The following RPS6KA6 variants were observed in gnomAD, a reference collection of about 807,000 sequenced individuals.
RPS6KA6 encodes the protein ribosomal protein S6 kinase A6.
RPS6KA6 carries 27 observed loss-of-function variants against 65.4 expected under a neutral mutation model. The ratio of observed to expected loss-of-function variants is 0.41; its 90% CI spans 0.30 to 0.57. RPS6KA6 has a LOEUF of 0.57. Among genes scored for constraint, RPS6KA6 ranks in the 20% least tolerant of loss-of-function variants. The pLI is 0.24. For missense variants in RPS6KA6, 486 were observed against 555.6 expected (o/e 0.87, Z 1.26); for synonymous variants, 190 against 184.2 (o/e 1.03, Z -0.26).
chrX:84,155,608 G>A (rs985555196), intron 3 of RPS6KA6, among the ~76,000 whole-genome samples: 1 of 111,904 alleles, frequency 8.9e-6, no homozygotes, highest in African/African-American at 3.2e-5. Flanking sequence ...AACTACCCTT[G>A]TTCTACTTTA....
intron 9 of RPS6KA6, among the ~76,000 whole-genome samples, chrX:84,118,299 T>A (rs1602424850): frequency 9.0e-6 from 1 of 111,318 alleles, no homozygotes; most frequent in East Asian, 2.8e-4. Context: ...TCTCTCAAAC[T>A]CCAGCTTTCC....
chrX:84,086,351 T>C (rs775262128), intron 20 of RPS6KA6, among the ~76,000 whole-genome samples: 8 of 111,798 alleles, frequency 7.2e-5, no homozygotes, highest in Non-Finnish European at 1.5e-4. Flanking sequence ...TTCTGGTACA[T>C]TGTCTCTTTG....
At chrX:84,178,103 T>C (rs930259098) in intron 1 of RPS6KA6, among the ~76,000 whole-genome samples, 2 of 112,234 alleles carry the variant, frequency 1.8e-5, no homozygotes, top group African/African-American at 6.5e-5. Context: ...AAAATAATTT[T>C]ATTTAAAAAG....
upstream of RPS6KA6, among the ~76,000 whole-genome samples, chrX:84,188,435 G>A (rs1246945443): frequency 9.0e-6 from 1 of 110,725 alleles, no homozygotes; most frequent in Non-Finnish European, 1.9e-5. Flanking sequence ...GGGCGTGCTG[G>A]GCTGGGGAGG....
chrX:84,165,224 G>A (rs985207226), intron 1 of RPS6KA6, among the ~76,000 whole-genome samples: 2 of 109,669 alleles, frequency 1.8e-5, no homozygotes, highest in Admixed American at 9.9e-5. Context: ...GCAACAGGAA[G>A]ACGAACTAGA....
rs2034367618 is a variant in RPS6KA6, at chrX:84,106,803, A to G, written c.1242+107T>C. ...TAATTCATGATTTATACCAATAGAT[A>G]AACAAAGAAGTTAAAAATCACTTTA... On this transcript the variant is annotated intron_variant, in intron 14 of 21. Transcript: ENST00000262752. The G allele has an allele frequency of 6.1e-6, 4 of 656,933 alleles. No homozygotes were observed. The Admixed American group carries it at 1.2e-4, about 20-fold the overall frequency. 54.1% of individuals were successfully genotyped at this position (656,933 alleles called of 1,213,427 possible). A position where few individuals can be genotyped will look rare whatever the true frequency, so the allele number is the denominator to read the frequency against.
chrX:84,184,931 G>T (rs1241995058), intron 1 of RPS6KA6, among the ~76,000 whole-genome samples: 2 of 108,886 alleles, frequency 1.8e-5, no homozygotes, highest in East Asian at 5.8e-4. Context: ...TATGAAATGT[G>T]AAAATTACAT....
At chrX:84,064,579 C>T (rs191389914) in intron 21 of RPS6KA6, among the ~76,000 whole-genome samples, 177 bp from the exon 22 acceptor site, 1 of 111,773 alleles carries the variant, frequency 8.9e-6, no homozygotes, top group Non-Finnish European at 1.9e-5. Flanking sequence ...TTTTTCATTT[C>T]AATAACTATG....
chrX:84,119,772 T>C lies in RPS6KA6; in HGVS notation c.789+113A>G, dbSNP rs141464454. 2,010 of 465,307 alleles carry C rather than the reference T, an allele frequency of 4.3e-3. 27 individuals carry two copies. Among genetic ancestry groups the C allele is most frequent in the African/African-American group, 0.035 (1,382 of 39,522 alleles). 38.3% of individuals were successfully genotyped at this position (465,307 alleles called of 1,213,427 possible). Reference sequence around the variant, plus strand: ...ATCACAAGGTTTTTGGTGTTAATTATAAATTATCAGAACCCCTTTCTGACC... The same window carrying C: ...ATCACAAGGTTTTTGGTGTTAATTACAAATTATCAGAACCCCTTTCTGACC... On this transcript the variant is annotated intron_variant, in intron 9 of 21. Transcript: ENST00000262752.
chrX:84,166,203 G>C (rs949908426), intron 1 of RPS6KA6, among the ~76,000 whole-genome samples: 2 of 111,787 alleles, frequency 1.8e-5, no homozygotes, highest in African/African-American at 6.5e-5. Context: ...GAGAGGACAA[G>C]ACATAACTTT....
chrX:84,121,486 T>A (rs917858810), intron 8 of RPS6KA6, among the ~76,000 whole-genome samples: 1 of 112,404 alleles, frequency 8.9e-6, no homozygotes, highest in African/African-American at 3.2e-5. Flanking sequence ...CTTTTGTGTA[T>A]CACTGATCAA....
At chrX:84,129,158 A>G (rs1361409481) in intron 8 of RPS6KA6, among the ~76,000 whole-genome samples, 2 of 111,797 alleles carry the variant, frequency 1.8e-5, no homozygotes, top group Non-Finnish European at 3.8e-5. Context: ...GAAAAAGTCT[A>G]ATAATCCAAT....
chrX:84,096,286 T>G lies in RPS6KA6; in HGVS notation c.1879A>C (p.Asn627His). 8.6e-7 allele frequency: 1 copy of G among 1,166,959 alleles called. No individual in the cohort carries two copies. The highest frequency in any genetic ancestry group is 1.9e-5 in the South Asian group (1 of 51,935). Residue 627 changes from asparagine to histidine, a missense_variant, in exon 20 of 22, where the codon AAT becomes CAT. Around this residue, in one of 3 missense-constraint regions of RPS6KA6, gnomAD observed 345 missense variants for 375.0 expected, o/e 0.92. Coordinates refer to ENST00000262752, the MANE Select transcript of RPS6KA6 (RefSeq NM_014496.5). Reference sequence around the variant, plus strand: ...AGCAGTATCTCTTCAGGAGTATCATTGGGGCCATTAGCAAATGGAGTGTAG... The same window carrying G: ...AGCAGTATCTCTTCAGGAGTATCATGGGGGCCATTAGCAAATGGAGTGTAG... ...AGYTPFANGP[N>H]DTPEEILLRI...
At chrX:84,184,796 G>A (rs1456791034) in intron 1 of RPS6KA6, among the ~76,000 whole-genome samples, 1 of 55,217 alleles carries the variant, frequency 1.8e-5, no homozygotes, top group African/African-American at 6.7e-5. Flanking sequence ...GGCCAGCCTG[G>A]ACAATGTACA....
At chrX:84,165,865 T>C (rs936492218) in intron 1 of RPS6KA6, among the ~76,000 whole-genome samples, 2 of 111,545 alleles carry the variant, frequency 1.8e-5, no homozygotes, top group African/African-American at 6.5e-5. Flanking sequence ...AAGCTAAGAC[T>C]CTGAGAGAAA....
intron 20 of RPS6KA6, among the ~76,000 whole-genome samples, chrX:84,077,743 T>C (rs1265331840): frequency 8.9e-6 from 1 of 112,147 alleles, no homozygotes; most frequent in African/African-American, 3.2e-5. Context: ...TTAACCCTCA[T>C]GATCACATAG....
At chrX:84,175,539 C>T (rs997901537) in intron 1 of RPS6KA6, among the ~76,000 whole-genome samples, 2 of 111,098 alleles carry the variant, frequency 1.8e-5, no homozygotes, top group Non-Finnish European at 3.8e-5. Context: ...AGCAAGAATA[C>T]GGCACAAACT....
At chrX:84,152,271 T>C (rs1038239295) in intron 3 of RPS6KA6, among the ~76,000 whole-genome samples, 13 of 110,825 alleles carry the variant, frequency 1.2e-4, no homozygotes, top group African/African-American at 3.9e-4. Flanking sequence ...CACTGCCCCC[T>C]TCCCAAAATC....
At chrX:84,155,563 C>G (rs961658071) in intron 3 of RPS6KA6, among the ~76,000 whole-genome samples, 3 of 112,090 alleles carry the variant, frequency 2.7e-5, no homozygotes, top group Admixed American at 9.5e-5. Context: ...AATGTAAGCT[C>G]TCTGAAGACT....
Sources: gnomAD v4.1 joint callset for allele counts (sites outside exome capture counted in the v4.1 genomes callset) on GRCh38, gnomAD v4.1.1 for gene constraint, gnomAD v4.1.1 regional missense constraint, MANE v1.5 for transcripts, NCBI Gene and HGNC (gene_info 2026-07-23, HGNC 2026-07-21) for gene names.